The following RGPD2 variants were observed in gnomAD, a reference collection of about 807,000 sequenced individuals.
The protein encoded by RGPD2 is RANBP2 like and GRIP domain containing 2, also known as RANBP2-like and GRIP domain-containing protein 2.
In RGPD2, 2 loss-of-function variants were observed where a neutral mutation model predicts 36.0. The ratio of observed to expected loss-of-function variants is 0.06; its 90% CI spans 0.02 to 0.17. The LOEUF (loss-of-function observed/expected upper bound fraction) is 0.17. RGPD2 is among the 10% of genes least tolerant of loss of function. The probability of loss-of-function intolerance (pLI) is 1.00; values close to 1 mark genes in which losing one functional copy is unlikely to be tolerated. For missense variants in RGPD2, 40 were observed against 464.3 expected, an observed-to-expected ratio of 0.09 and a Z score of 8.40; for synonymous variants, 19 against 163.8, an observed-to-expected ratio of 0.12 and a Z score of 6.75.
At chr2:87,883,873 G>A in the RGPD2 span, among the ~76,000 whole-genome samples, 1 of 151,524 alleles carries the variant, frequency 6.6e-6, no homozygotes, top group African/African-American at 2.4e-5. Flanking sequence ...TCCACTTTCA[G>A]CAACAGACAG....
chr2:87,861,050 T>C, the RGPD2 span, among the ~76,000 whole-genome samples: 1 of 152,162 alleles, frequency 6.6e-6, no homozygotes, highest in Non-Finnish European at 1.5e-5. Context: ...TTTGCATGCA[T>C]AATTTTGTTT....
At chr2:87,885,995 CA>C in the RGPD2 span, among the ~76,000 whole-genome samples, 2 of 151,764 alleles carry the variant, frequency 1.3e-5, no homozygotes, top group Non-Finnish European at 2.9e-5. Flanking sequence ...TAAAAATTTT[CA>C]GTGTTTTTCT....
chr2:87,911,477 T>C, the RGPD2 span, among the ~76,000 whole-genome samples: 1 of 151,878 alleles, frequency 6.6e-6, no homozygotes, highest in South Asian at 2.1e-4. Flanking sequence ...TAAGGAAATG[T>C]TGCACCTGAA....
At chr2:87,763,463 A>G (rs1684957748) in intron 22 of RGPD2, among the ~76,000 whole-genome samples, 1 of 100,610 alleles carries the variant, frequency 9.9e-6, no homozygotes, top group African/African-American at 3.8e-5. Context: ...AGCCTCTAGT[A>G]GTACTTTTAT....
At chr2:87,984,189 C>T in the RGPD2 span, among the ~76,000 whole-genome samples, 4 of 151,600 alleles carry the variant, frequency 2.6e-5, no homozygotes, top group Admixed American at 2.6e-4. Flanking sequence ...AGGAAGCTGG[C>T]AAAGGTTCAC....
upstream of RGPD2, among the ~76,000 whole-genome samples, chr2:87,830,070 CGAACAGG>C (rs1686937491): frequency 6.9e-6 from 1 of 145,242 alleles, no homozygotes; most frequent in Non-Finnish European, 1.5e-5. Context: ...AATGGCAAAA[CGAACAGG>C]CTACAGGCCA....
the RGPD2 span, chr2:87,986,046 G>T: frequency 1.6e-5 from 10 of 642,518 alleles, no homozygotes; most frequent in Non-Finnish European, 2.7e-5. Context: ...TCATTAAAGA[G>T]CCAATGAGAT....
chr2:87,983,453 A>T, the RGPD2 span, among the ~76,000 whole-genome samples: 4 of 120,218 alleles, frequency 3.3e-5, no homozygotes, highest in African/African-American at 6.2e-5. Context: ...ACTCAGATGG[A>T]AAATGGCATT....
chr2:87,965,467 G>A, the RGPD2 span, among the ~76,000 whole-genome samples: 1 of 150,286 alleles, frequency 6.7e-6, no homozygotes, highest in Non-Finnish European at 1.5e-5. Context: ...GGCCTCCATA[G>A]TCCTATGACA....
chr2:87,973,336 G>A, the RGPD2 span, among the ~76,000 whole-genome samples: 1,254 of 123,574 alleles, frequency 0.01, 88 homozygotes, highest in African/African-American at 0.033. Context: ...TCCTGCCTCC[G>A]GTGAGGGTGA....
At chr2:87,885,975 C>T in the RGPD2 span, among the ~76,000 whole-genome samples, 1 of 151,814 alleles carries the variant, frequency 6.6e-6, no homozygotes, top group Admixed American at 6.6e-5. Flanking sequence ...GTCACAGAAT[C>T]GTTCTTTGTT....
At chr2:87,839,548 A>G in the RGPD2 span, among the ~76,000 whole-genome samples, 1 of 152,058 alleles carries the variant, frequency 6.6e-6, no homozygotes, top group Non-Finnish European at 1.5e-5. Context: ...AGGACTGGAT[A>G]AAGAGAATAT....
At chr2:87,952,247 A>G in the RGPD2 span, among the ~76,000 whole-genome samples, 2 of 152,194 alleles carry the variant, frequency 1.3e-5, no homozygotes, top group Non-Finnish European at 2.9e-5. Flanking sequence ...TTTTTTTTAT[A>G]CAATTAGATA....
the RGPD2 span, among the ~76,000 whole-genome samples, chr2:87,973,345 G>A: frequency 8.2e-6 from 1 of 122,364 alleles, no homozygotes; most frequent in African/African-American, 2.8e-5. Context: ...CGGTGAGGGT[G>A]AGCCAGTCAA....
At chr2:87,986,921 T>C in the RGPD2 span, among the ~76,000 whole-genome samples, 2 of 150,100 alleles carry the variant, frequency 1.3e-5, no homozygotes, top group Non-Finnish European at 3.0e-5. Flanking sequence ...ACTTCTATGT[T>C]TATACATTTA....
At chr2:87,939,444 G>T in the RGPD2 span, among the ~76,000 whole-genome samples, 1 of 151,722 alleles carries the variant, frequency 6.6e-6, no homozygotes. Flanking sequence ...TGAACTTAGA[G>T]CCTCAATGTG....
the RGPD2 span, among the ~76,000 whole-genome samples, chr2:87,915,456 T>TAC: frequency 9.2e-5 from 13 of 140,912 alleles, no homozygotes; most frequent in South Asian, 2.1e-4. Context: ...TATACACATA[T>TAC]ACACATATAT....
At chr2:87,878,699 C>A in the RGPD2 span, among the ~76,000 whole-genome samples, 3 of 152,220 alleles carry the variant, frequency 2.0e-5, no homozygotes, top group Non-Finnish European at 4.4e-5. Context: ...CTAAATATAA[C>A]TATACCCATC....
chr2:87,957,292 T>TTC, the RGPD2 span, among the ~76,000 whole-genome samples: 522 of 144,088 alleles, frequency 3.6e-3, 1 homozygote, highest in Non-Finnish European at 6.6e-3. Context: ...CTTATCTGCT[T>TTC]TCTCTCTCTC....
Sources: gnomAD v4.1 joint callset for allele counts (sites outside exome capture counted in the v4.1 genomes callset) on GRCh38, gnomAD v4.1.1 for gene constraint, MANE v1.5 for transcripts, NCBI Gene and HGNC (gene_info 2026-07-23, HGNC 2026-07-21) for gene names.